Variants in IQCF6 observed in about 807,000 individuals in gnomAD.
IQCF6 encodes IQ domain-containing protein F6.
IQCF6 carries 15 observed loss-of-function variants against 16.8 expected under a neutral mutation model. The observed-to-expected ratio is 0.89, with a 90% CI of 0.60 to 1.37. The LOEUF is 1.37. Among genes scored for constraint, IQCF6 ranks in the 40% most tolerant of loss-of-function variants. The pLI is 0.00. For synonymous variants in IQCF6, 64 were observed against 72.8 expected, an observed-to-expected ratio of 0.88 and a Z score of 0.61; for missense variants, 169 against 197.4, an observed-to-expected ratio of 0.86 and a Z score of 0.86.
Position 51,778,765 on chromosome 3 carries a change from C to T in IQCF6, c.299G>A (p.Arg100Gln), listed in dbSNP as rs939753308. 15 of 1,551,506 alleles carry T rather than the reference C, an allele frequency of 9.7e-6. No homozygotes were observed. The highest frequency in any genetic ancestry group is 5.9e-5 in the South Asian group (5 of 84,066). The change falls in exon 2 of 2, where the codon CGG becomes CAG. Residue 100 changes from arginine (R) to glutamine (Q), a missense_variant. By Grantham distance (43) the Arg-to-Gln change is conservative (BLOSUM62 1). Transcript: ENST00000667863. ...GGCCGCTTGGCGTGCCTGGAGGAACCGCCTGCGGGCCTGCCACATTCGAAC... is the reference window on the plus strand; with the variant it reads ...GGCCGCTTGGCGTGCCTGGAGGAACTGCCTGCGGGCCTGCCACATTCGAAC... ...AQVRMWQARRRFLQARQAACI... is the reference protein window; with the variant it reads ...AQVRMWQARRQFLQARQAACI...
At position 51,778,564 on chromosome 3, in the gene IQCF6, A is replaced by C; in HGVS notation, c.*59T>G. On this transcript the variant is annotated 3_prime_UTR_variant, in exon 2 of 2. Transcript: ENST00000667863. Reference sequence around the variant, plus strand: ...AGTCTAATCTCCAAAGGGCAAGTGTATGGTCAGTAAGGGTCTTTATTGGAA... The same window carrying C: ...AGTCTAATCTCCAAAGGGCAAGTGTCTGGTCAGTAAGGGTCTTTATTGGAA... 1 of 1,456,228 alleles carries C rather than the reference A, an allele frequency of 6.9e-7. No individual in the cohort carries two copies. The highest frequency in any genetic ancestry group is 9.1e-7 in the Non-Finnish European group (1 of 1,098,532). The allele number at this position is 1,456,228 out of a possible 1,614,324, so 90.2% of individuals were successfully genotyped here.
In IQCF6 at chr3:51,779,185, T is replaced by C. The variant is rs1296411259; in HGVS notation, c.40A>G (p.Thr14Ala). 7 of 1,399,018 alleles carry C rather than the reference T, an allele frequency of 5.0e-6. No individual in the cohort carries two copies. The highest frequency in any genetic ancestry group is 1.8e-5 in the South Asian group (1 of 55,402). 86.7% of individuals were successfully genotyped at this position (1,399,018 alleles called of 1,614,324 possible). ...CACGGTTCATTACCTGTCAGGTAAG[T>C]CCCTACTGCAAGGGCCTTACTCACA... Reference protein sequence around the residue: ...QNVSKALAVGTYLTGNEPCLN... With the variant: ...QNVSKALAVGAYLTGNEPCLN... The change falls in exon 1 of 2, where the codon ACT (threonine) becomes GCT (alanine). Residue 14 changes from threonine to alanine, a missense_variant. Physicochemically the swap from Thr to Ala is moderately conservative, Grantham distance 58 (BLOSUM62 0). Transcript: ENST00000667863.
Position 51,778,652 on chromosome 3 carries a change from C to G in IQCF6, c.412G>C (p.Glu138Gln). ...GHYEVRASRLELDIEILMT is the reference protein window; with the variant it reads ...GHYEVRASRLQLDIEILMT The stretch of plus-strand genomic sequence containing the variant: ...GTCATGAGGATTTCGATGTCAAGCT[C>G]CAGCCGGCTGGCTCTGACCTCATAG... The change falls in exon 2 of 2, where the codon GAG (glutamate) becomes CAG (glutamine). Residue 138 changes from glutamate (E) to glutamine (Q), a missense_variant. Coordinates refer to ENST00000667863, the MANE Select transcript of IQCF6 (RefSeq NM_001368369.1). 1 of 1,542,566 alleles carries G rather than the reference C, an allele frequency of 6.5e-7. No individual in the cohort carries two copies. Among genetic ancestry groups the G allele is most frequent in the South Asian group, 1.2e-5 (1 of 83,706 alleles).
At position 51,779,160 on chromosome 3, in the gene IQCF6, C is replaced by T. The variant is rs1469193259; in HGVS notation, c.65G>A (p.Cys22Tyr). ...TTCCAATCCCCCACTCACATTTAGA[C>T]ACGGTTCATTACCTGTCAGGTAAGT... ...VGTYLTGNEP[C>Y]LNLEKTAIKI... Residue 22 changes from cysteine to tyrosine, a missense_variant, in exon 1 of 2, where the codon TGT (cysteine) becomes TAT (tyrosine). Physicochemically the swap from Cys to Tyr is radical, Grantham distance 194. Coordinates refer to ENST00000667863, the MANE Select transcript of IQCF6 (RefSeq NM_001368369.1). 7.0e-7 allele frequency: 1 copy of T among 1,424,404 alleles called. No individual in the cohort carries two copies. Among genetic ancestry groups the T allele is most frequent in the Non-Finnish European group, 9.2e-7 (1 of 1,092,098 alleles). The allele number at this position is 1,424,404 out of a possible 1,614,324, so 88.2% of individuals were successfully genotyped here. A position where few individuals can be genotyped will look rare whatever the true frequency, so the allele number is the denominator to read the frequency against.
intron 1 of IQCF6, 25 bp from the exon 2 acceptor site, chr3:51,779,016 G>A: frequency 6.7e-7 from 1 of 1,499,448 alleles, no homozygotes; most frequent in South Asian, 1.3e-5. Flanking sequence ...GGAAAAACAG[G>A]GAGATGCTCA....
chr3:51,778,959 C>T lies in IQCF6; in HGVS notation c.105G>A (p.Trp35Ter). The T allele has an allele frequency of 1.9e-6, 3 of 1,544,992 alleles. No individual in the cohort carries two copies. Among genetic ancestry groups the T allele is most frequent in the South Asian group, 2.4e-5 (2 of 83,770 alleles). Residue 35 changes from tryptophan (W) to a stop codon, truncating the protein, a stop_gained, in exon 2 of 2, where the codon TGG (tryptophan) becomes TGA (stop). Transcript: ENST00000667863. LOFTEE classifies it high-confidence loss of function. The part of the protein sequence containing the change: ...LEKTAIKIQS[W>*]WRGNMVRRTL... Reference sequence around the variant, plus strand: ...TCCGGCGCACCATGTTTCCACGCCACCATGACTGAATCTTTATGGCTGTCT... The same window carrying T: ...TCCGGCGCACCATGTTTCCACGCCATCATGACTGAATCTTTATGGCTGTCT...
At chr3:51,779,035 C>T in intron 1 of IQCF6, 44 bp from the exon 2 acceptor site, 3 of 1,483,830 alleles carry the variant, frequency 2.0e-6, no homozygotes, top group Non-Finnish European at 2.7e-6. Context: ...CAATGGGGGA[C>T]CCTCCCCTCC....
In IQCF6 at chr3:51,779,187, C is replaced by T; in HGVS notation, c.38G>A (p.Gly13Glu). 1 of 1,397,180 alleles carries T rather than the reference C, an allele frequency of 7.2e-7. No individual in the cohort carries two copies. Among genetic ancestry groups the T allele is most frequent in the Non-Finnish European group, 9.3e-7 (1 of 1,077,664 alleles). 86.5% of individuals were successfully genotyped at this position (1,397,180 alleles called of 1,614,324 possible). The change falls in exon 1 of 2, where the codon GGG becomes GAG. Residue 13 changes from glycine to glutamate, a missense_variant. Gly to Glu is a moderately conservative substitution (Grantham distance 98). Coordinates refer to ENST00000667863, the MANE Select transcript of IQCF6 (RefSeq NM_001368369.1). ...TQNVSKALAV[G>E]TYLTGNEPCL... ...CGGTTCATTACCTGTCAGGTAAGTC[C>T]CTACTGCAAGGGCCTTACTCACATT...
Position 51,778,575 on chromosome 3 carries a change from G to A in IQCF6, c.*48C>T, listed in dbSNP as rs1438486724. 1 of 1,473,018 alleles carries A rather than the reference G, an allele frequency of 6.8e-7. No individual in the cohort carries two copies. The highest frequency in any genetic ancestry group is 9.0e-7 in the Non-Finnish European group (1 of 1,106,442). 91.2% of individuals were successfully genotyped at this position (1,473,018 alleles called of 1,614,324 possible). ...CAAAGGGCAAGTGTATGGTCAGTAAGGGTCTTTATTGGAAGAGAGATCCAG... is the reference window on the plus strand; with the variant it reads ...CAAAGGGCAAGTGTATGGTCAGTAAAGGTCTTTATTGGAAGAGAGATCCAG... On this transcript the variant is annotated 3_prime_UTR_variant, in exon 2 of 2. Coordinates refer to ENST00000667863, the MANE Select transcript of IQCF6 (RefSeq NM_001368369.1).
Position 51,779,231 on chromosome 3 carries a change from G to C in IQCF6, c.-7C>G, listed in dbSNP as rs1390395944. The C allele has an allele frequency of 3.0e-6, 4 of 1,338,198 alleles. No individual in the cohort carries two copies. Among genetic ancestry groups the C allele is most frequent in the African/African-American group, 2.9e-5 (2 of 68,706 alleles). The allele number at this position is 1,338,198 out of a possible 1,614,324, so 82.9% of individuals were successfully genotyped here. ...TCACATTTTGCGTGTCCATGGCCTT[G>C]ATCCTTAGGGTCCACTTATCTGTCA... On this transcript the variant is annotated 5_prime_UTR_variant, in exon 1 of 2. In the 5' UTR this introduces an upstream ATG that the reference lacks. Coordinates refer to ENST00000667863, the MANE Select transcript of IQCF6 (RefSeq NM_001368369.1).
chr3:51,778,794 T>C lies in IQCF6; in HGVS notation c.270A>G (p.Ala90=). ...TGCGGGCCTGCCACATTCGAACCTGTGCCTGCACCTTCACCACCGCCCACT... is the reference window on the plus strand; with the variant it reads ...TGCGGGCCTGCCACATTCGAACCTGCGCCTGCACCTTCACCACCGCCCACT... ...CQEWAVVKVQ[A]QVRMWQARRR... Residue 90 remains alanine (A), a synonymous_variant, in exon 2 of 2, where the codon GCA becomes GCG. Coordinates refer to ENST00000667863, the MANE Select transcript of IQCF6 (RefSeq NM_001368369.1). 6.4e-7 allele frequency: 1 copy of C among 1,551,776 alleles called. No individual in the cohort carries two copies. Among genetic ancestry groups the C allele is most frequent in the South Asian group, 1.2e-5 (1 of 84,064 alleles).
chr3:51,778,584 T>A lies in IQCF6; in HGVS notation c.*39A>T. On this transcript the variant is annotated 3_prime_UTR_variant, in exon 2 of 2. Coordinates refer to ENST00000667863, the MANE Select transcript of IQCF6 (RefSeq NM_001368369.1). The stretch of plus-strand genomic sequence containing the variant: ...AGTGTATGGTCAGTAAGGGTCTTTA[T>A]TGGAAGAGAGATCCAGCCTCCTTGG... 1 of 1,479,676 alleles carries A rather than the reference T, an allele frequency of 6.8e-7. No individual in the cohort carries two copies. Among genetic ancestry groups the A allele is most frequent in the Non-Finnish European group, 9.0e-7 (1 of 1,109,514 alleles). The allele number at this position is 1,479,676 out of a possible 1,614,324, so 91.7% of individuals were successfully genotyped here.
At position 51,778,893 on chromosome 3, in the gene IQCF6, G is replaced by C. The variant is rs1704815496; in HGVS notation, c.171C>G (p.Cys57Trp). The C allele has an allele frequency of 1.3e-6, 2 of 1,551,896 alleles. No homozygotes were observed. The highest frequency in any genetic ancestry group is 2.7e-5 in the African/African-American group (2 of 73,062). ...TCTTGGCCTGCATTGACCTCCACCAGCACTGGATGACCCAGGCTCTGAGTG... is the reference window on the plus strand; with the variant it reads ...TCTTGGCCTGCATTGACCTCCACCACCACTGGATGACCCAGGCTCTGAGTG... ...QAALRAWVIQ[C>W]WWRSMQAKML... Residue 57 changes from cysteine to tryptophan, a missense_variant, in exon 2 of 2, where the codon TGC becomes TGG. Physicochemically the swap from Cys to Trp is radical, Grantham distance 215 (BLOSUM62 -2). Transcript: ENST00000667863.
At position 51,778,833 on chromosome 3, in the gene IQCF6, G is replaced by C; in HGVS notation, c.231C>G (p.Leu77=). 1 of 1,551,892 alleles carries C rather than the reference G, an allele frequency of 6.4e-7. No homozygotes were observed. Among genetic ancestry groups the C allele is most frequent in the Non-Finnish European group, 8.7e-7 (1 of 1,147,020 alleles). Residue 77 remains leucine (L), a synonymous_variant, in exon 2 of 2, where the codon CTC becomes CTG. Coordinates refer to ENST00000667863, the MANE Select transcript of IQCF6 (RefSeq NM_001368369.1). ...LEQRRRLALR[L]YTCQEWAVVK... ...CCACCGCCCACTCCTGGCAGGTATA[G>C]AGTCTTAGTGCCAGGCGCCGTCTTT...
rs757074936 is a variant in IQCF6 at position 51,778,620 on chromosome 3, G to A, written c.*3C>T. Reference sequence around the variant, plus strand: ...ATCCAGCCTCCTTGGCTCTGTCAGCGCCCTAGGTCATGAGGATTTCGATGT... The same window carrying A: ...ATCCAGCCTCCTTGGCTCTGTCAGCACCCTAGGTCATGAGGATTTCGATGT... On this transcript the variant is annotated 3_prime_UTR_variant, in exon 2 of 2. Transcript: ENST00000667863. 75 of 1,524,470 alleles carry A rather than the reference G, an allele frequency of 4.9e-5. No homozygotes were observed. Among genetic ancestry groups the A allele is most frequent in the South Asian group, 7.4e-5 (6 of 80,646 alleles). The allele number at this position is 1,524,470 out of a possible 1,614,324, so 94.4% of individuals were successfully genotyped here. A position where few individuals can be genotyped will look rare whatever the true frequency, so the allele number is the denominator to read the frequency against.
rs1277737672 is a variant in IQCF6, at chr3:51,778,931, A to G, written c.133T>C (p.Leu45=). 1.3e-6 allele frequency: 2 copies of G among 1,549,842 alleles called. No homozygotes were observed. The highest frequency in any genetic ancestry group is 1.7e-6 in the Non-Finnish European group (2 of 1,145,526). Residue 45 remains leucine (L), a synonymous_variant, in exon 2 of 2, where the codon TTA becomes CTA. Coordinates refer to ENST00000667863, the MANE Select transcript of IQCF6 (RefSeq NM_001368369.1). ...CAGGCTCTGAGTGCTGCCTGCAGTA[A>G]CGTCCGGCGCACCATGTTTCCACGC... ...WWRGNMVRRT[L]LQAALRAWVI...
Position 51,778,644 on chromosome 3 carries a change from G to T in IQCF6, c.420C>A (p.Asp140Glu), listed in dbSNP as rs530417515. The change falls in exon 2 of 2, where the codon GAC becomes GAA. Residue 140 changes from aspartate (D) to glutamate (E), a missense_variant. By Grantham distance (45) the Asp-to-Glu change is conservative. Coordinates refer to ENST00000667863, the MANE Select transcript of IQCF6 (RefSeq NM_001368369.1). ...CGCCCTAGGTCATGAGGATTTCGAT[G>T]TCAAGCTCCAGCCGGCTGGCTCTGA... is the stretch of plus-strand genomic sequence containing the variant. ...YEVRASRLELDIEILMT is the reference protein window; with the variant it reads ...YEVRASRLELEIEILMT 1 of 1,541,152 alleles carries T rather than the reference G, an allele frequency of 6.5e-7. No individual in the cohort carries two copies. The highest frequency in any genetic ancestry group is 1.2e-5 in the South Asian group (1 of 83,556).
Position 51,778,626 on chromosome 3 carries a change from G to C in IQCF6, c.438C>G (p.Thr146=). Residue 146 remains threonine, a synonymous_variant, in exon 2 of 2, where the codon ACC becomes ACG. Coordinates refer to ENST00000667863, the MANE Select transcript of IQCF6 (RefSeq NM_001368369.1). ...CCTCCTTGGCTCTGTCAGCGCCCTA[G>C]GTCATGAGGATTTCGATGTCAAGCT... The part of the protein sequence containing the change: ...RLELDIEILM[T] The C allele has an allele frequency of 6.5e-7, 1 of 1,531,920 alleles. No homozygotes were observed. The highest frequency in any genetic ancestry group is 1.2e-5 in the South Asian group (1 of 82,022). 94.9% of individuals were successfully genotyped at this position (1,531,920 alleles called of 1,614,324 possible).
chr3:51,778,949 T>C lies in IQCF6; in HGVS notation c.115A>G (p.Asn39Asp), dbSNP rs1192908604. ...TGCAGTAACGTCCGGCGCACCATGT[T>C]TCCACGCCACCATGACTGAATCTTT... is the stretch of plus-strand genomic sequence containing the variant. ...AIKIQSWWRG[N>D]MVRRTLLQAA... Residue 39 changes from asparagine (N) to aspartate (D), a missense_variant, in exon 2 of 2, where the codon AAC becomes GAC. By Grantham distance (23) the Asn-to-Asp change is conservative. Coordinates refer to ENST00000667863, the MANE Select transcript of IQCF6 (RefSeq NM_001368369.1). 2.6e-6 allele frequency: 4 copies of C among 1,545,854 alleles called. No individual in the cohort carries two copies. In the South Asian group the frequency reaches 3.6e-5, roughly 14 times the overall value.
Sources: gnomAD v4.1 joint callset for allele counts on GRCh38, gnomAD v4.1.1 for gene constraint, MANE v1.5 for transcripts, NCBI Gene and HGNC (gene_info 2026-07-23, HGNC 2026-07-21) for gene names.